The following LOC128462377 variants were observed in gnomAD, a reference collection of about 807,000 sequenced individuals.
At chr16:89,364,481 C>T in the LOC128462377 span, among the ~76,000 whole-genome samples, 1 of 152,146 alleles carries the variant, frequency 6.6e-6, no homozygotes, top group Non-Finnish European at 1.5e-5. Context: ...GATTTAACTC[C>T]AGAGCAGAGC....
chr16:89,415,107 C>G, the LOC128462377 span, among the ~76,000 whole-genome samples: 1 of 152,074 alleles, frequency 6.6e-6, no homozygotes, highest in South Asian at 2.1e-4. Context: ...ATGCATGCCA[C>G]CATGCCTGGC....
At chr16:89,337,399 G>A in the LOC128462377 span, among the ~76,000 whole-genome samples, 1 of 130,660 alleles carries the variant, frequency 7.7e-6, no homozygotes, top group African/African-American at 2.9e-5. Flanking sequence ...TAACCCTACT[G>A]CACAATACAT....
At chr16:89,351,621 G>C in the LOC128462377 span, among the ~76,000 whole-genome samples, 1 of 152,238 alleles carries the variant, frequency 6.6e-6, no homozygotes, top group Admixed American at 6.5e-5. Flanking sequence ...CAATGCTGCT[G>C]TGGGCACTGC....
chr16:89,373,931 A>G, the LOC128462377 span, among the ~76,000 whole-genome samples: 6 of 152,256 alleles, frequency 3.9e-5, no homozygotes, highest in African/African-American at 9.6e-5. Flanking sequence ...CAGGGTCATC[A>G]GGAGTGACCA....
At chr16:89,364,554 C>T in the LOC128462377 span, among the ~76,000 whole-genome samples, 4 of 152,220 alleles carry the variant, frequency 2.6e-5, no homozygotes, top group African/African-American at 9.6e-5. Context: ...GCAGTCAGAC[C>T]CTAAAGCAGA....
the LOC128462377 span, among the ~76,000 whole-genome samples, chr16:89,414,269 A>G: frequency 1.6e-4 from 25 of 152,308 alleles, 1 homozygote; most frequent in East Asian, 4.8e-3. Context: ...TTAACAAACC[A>G]CTTTCAAAAC....
chr16:89,381,144 G>A, the LOC128462377 span, among the ~76,000 whole-genome samples: 2 of 152,090 alleles, frequency 1.3e-5, no homozygotes, highest in African/African-American at 4.8e-5. Flanking sequence ...CCAACATGGC[G>A]AAACCCTATT....
At chr16:89,328,817 C>A in the LOC128462377 span, 1 of 147,510 alleles carries the variant, frequency 6.8e-6, no homozygotes, top group South Asian at 2.2e-4. Context: ...AGCGGAGGCC[C>A]CTGCTGAGTG....
At chr16:89,417,075 C>G in the LOC128462377 span, among the ~76,000 whole-genome samples, 57 of 152,306 alleles carry the variant, frequency 3.7e-4, no homozygotes, top group Middle Eastern at 6.8e-3. Flanking sequence ...AATTCTAGAC[C>G]TATTTTCAAG....
the LOC128462377 span, among the ~76,000 whole-genome samples, chr16:89,412,792 A>C: frequency 1.3e-5 from 2 of 152,216 alleles, no homozygotes; most frequent in African/African-American, 4.8e-5. Flanking sequence ...ACTGTAGTTA[A>C]CAAAAGAAAT....
the LOC128462377 span, among the ~76,000 whole-genome samples, chr16:89,334,429 T>C: frequency 6.6e-6 from 1 of 152,114 alleles, no homozygotes; most frequent in Non-Finnish European, 1.5e-5. Flanking sequence ...AAGCCTGCCA[T>C]TCTCTGAGGA....
chr16:89,363,185 A>C, the LOC128462377 span, among the ~76,000 whole-genome samples: 2 of 152,142 alleles, frequency 1.3e-5, no homozygotes, highest in Non-Finnish European at 2.9e-5. Flanking sequence ...AAAATATACG[A>C]TGTTTCCAGA....
chr16:89,372,490 C>T, the LOC128462377 span, among the ~76,000 whole-genome samples: 1 of 152,106 alleles, frequency 6.6e-6, no homozygotes, highest in East Asian at 1.9e-4. Context: ...AGAGCGAAGG[C>T]CAAGGCTTGG....
At chr16:89,347,486 C>G in the LOC128462377 span, among the ~76,000 whole-genome samples, 3 of 152,028 alleles carry the variant, frequency 2.0e-5, no homozygotes, top group Non-Finnish European at 2.9e-5. Flanking sequence ...TGGCAGGCGC[C>G]GGTAGTCCCA....
At chr16:89,337,043 A>G in the LOC128462377 span, among the ~76,000 whole-genome samples, 8 of 143,040 alleles carry the variant, frequency 5.6e-5, no homozygotes, top group African/African-American at 1.8e-4. Flanking sequence ...AAAATTAGCC[A>G]GGTGTGGTGG....
At chr16:89,373,313 A>G in the LOC128462377 span, 1 of 152,270 alleles carries the variant, frequency 6.6e-6, no homozygotes, top group Non-Finnish European at 1.5e-5. Flanking sequence ...AGCATCCAAC[A>G]CAGCAACACC....
chr16:89,355,900 C>T, the LOC128462377 span, among the ~76,000 whole-genome samples: 1 of 152,142 alleles, frequency 6.6e-6, no homozygotes, highest in African/African-American at 2.4e-5. Flanking sequence ...GGTGCTCCCC[C>T]CAGCACAGCT....
the LOC128462377 span, among the ~76,000 whole-genome samples, chr16:89,349,134 T>TAAAAAAAAAAAAAAAAAAAAAAAAA: frequency 1.2e-4 from 2 of 16,578 alleles, no homozygotes; most frequent in Non-Finnish European, 1.9e-4. Context: ...TCTCAAAAAG[T>TAAAAAAAAAAAAAAAAAAAAAAAAA]AAAAAAAAAA....
At chr16:89,320,567 G>A in the LOC128462377 span, among the ~76,000 whole-genome samples, 1 of 152,174 alleles carries the variant, frequency 6.6e-6, no homozygotes, top group Non-Finnish European at 1.5e-5. Context: ...CCTCCTGGCG[G>A]ATGGCAACCG....
Sources: gnomAD v4.1 joint callset for allele counts (sites outside exome capture counted in the v4.1 genomes callset) on GRCh38, gnomAD v4.1.1 for gene constraint, MANE v1.5 for transcripts.